The following GNG12 variants were observed in gnomAD, a reference collection of about 807,000 sequenced individuals.
The protein encoded by GNG12 is G protein subunit gamma 12, also known as guanine nucleotide-binding protein G(I)/G(S)/G(O) subunit gamma-12.
For missense variants in GNG12, 69 were observed against 83.8 expected (o/e 0.82, Z 0.69); for synonymous variants, 28 against 29.7 (o/e 0.94, Z 0.19).
intron 2 of GNG12, among the ~76,000 whole-genome samples, chr1:67,776,434 A>G (rs910589572): frequency 6.6e-6 from 1 of 152,162 alleles, no homozygotes; most frequent in African/African-American, 2.4e-5. Context: ...TCTTGAATCC[A>G]GGCTAACCAT....
At chr1:67,804,945 G>A (rs1287258506) in intron 1 of GNG12, among the ~76,000 whole-genome samples, 3 of 152,246 alleles carry the variant, frequency 2.0e-5, no homozygotes, top group East Asian at 1.9e-4. Flanking sequence ...GGTGAAAAAA[G>A]CATTCTGAAA....
intron 2 of GNG12, among the ~76,000 whole-genome samples, chr1:67,708,151 C>T (rs938683707): frequency 1.4e-4 from 21 of 152,174 alleles, no homozygotes; most frequent in Non-Finnish European, 2.1e-4. Context: ...TGGGCTCTTG[C>T]CCCCAACTAT....
chr1:67,724,271 CA>C (rs1646373327), intron 2 of GNG12, among the ~76,000 whole-genome samples: 1 of 152,060 alleles, frequency 6.6e-6, no homozygotes, highest in Non-Finnish European at 1.5e-5. Flanking sequence ...GCTGATAAAC[CA>C]GAACTGGAGG....
rs571208080 is a variant in GNG12, at chr1:67,705,370, T to G, written c.*81A>C. The G allele has an allele frequency of 6.5e-7, 1 of 1,548,202 alleles. No homozygotes were observed. Among genetic ancestry groups the G allele is most frequent in the East Asian group, 2.3e-5 (1 of 43,948 alleles). ...TTAGTTATTAGCAGTGGTTACCAAA[T>G]AAGCTGAAGGTAAATCTCTTCAAGG... is the stretch of plus-strand genomic sequence containing the variant. On this transcript the variant is annotated 3_prime_UTR_variant, in exon 4 of 4. Transcript: ENST00000370982.
chr1:67,709,951 TATATATATAGTTATATATATAGTTATATA>T (rs1646276352), intron 2 of GNG12, among the ~76,000 whole-genome samples: 6 of 25,974 alleles, frequency 2.3e-4, no homozygotes, highest in Non-Finnish European at 4.3e-4. Context: ...TATATATAGT[TATATATATAGTTATATATATAGTTATATA>T]TATATAGTTA....
chr1:67,732,707 T>A (rs1308972400), intron 2 of GNG12, among the ~76,000 whole-genome samples: 3 of 152,210 alleles, frequency 2.0e-5, no homozygotes, highest in African/African-American at 7.2e-5. Context: ...AAGAGGAAAC[T>A]GAGGCAAAAG....
Position 67,702,778 on chromosome 1 carries a change from GA to G in GNG12, c.*2672del, listed in dbSNP as rs1281446631. The G allele has an allele frequency of 6.6e-6, 1 of 151,996 alleles. No individual in the cohort carries two copies. Among genetic ancestry groups the G allele is most frequent in the East Asian group, 1.9e-4 (1 of 5,196 alleles). The allele number at this position is 151,996 out of a possible 1,614,324, so 9.4% of individuals were successfully genotyped here. On this transcript the variant is annotated 3_prime_UTR_variant, in exon 4 of 4. Coordinates refer to ENST00000370982, the MANE Select transcript of GNG12 (RefSeq NM_018841.6). Reference sequence around the variant, plus strand: ...GATGAACTAATGAAGATATAAGAATGAAAAAAAGAAAGAGATCACTGTTAAC... The same window carrying G: ...GATGAACTAATGAAGATATAAGAATGAAAAAAGAAAGAGATCACTGTTAAC...
chr1:67,816,827 T>A (rs929949368), intron 1 of GNG12, among the ~76,000 whole-genome samples: 4 of 152,034 alleles, frequency 2.6e-5, no homozygotes, highest in African/African-American at 9.7e-5. Flanking sequence ...GAACAAGAGG[T>A]GTGGGGCTCT....
chr1:67,756,032 C>T (rs115849524), intron 2 of GNG12, among the ~76,000 whole-genome samples: 1 of 152,140 alleles, frequency 6.6e-6, no homozygotes, highest in Admixed American at 6.5e-5. Context: ...GCCCATCTTA[C>T]TTGTGCCTGG....
intron 2 of GNG12, among the ~76,000 whole-genome samples, chr1:67,718,801 G>A (rs989717311): frequency 1.3e-5 from 2 of 152,054 alleles, no homozygotes; most frequent in Non-Finnish European, 2.9e-5. Flanking sequence ...GGAACCCCCA[G>A]GAAAAGTCCA....
Position 67,806,797 on chromosome 1 carries a change from G to C in GNG12, c.-77+26547C>G, listed in dbSNP as rs191825588. Among the ~76,000 whole-genome samples the C allele has an allele frequency of 5.7e-3, 865 of 152,096 alleles. 7 individuals carry two copies. Among genetic ancestry groups the C allele is most frequent in the African/African-American group, 0.02 (827 of 41,492 alleles). ...AAATAAGCTAGGTAAAAAACTAATA[G>C]AACTTAAAAGACAAATAGATCAATC... On this transcript the variant is annotated intron_variant, in intron 1 of 3. Coordinates refer to ENST00000370982, the MANE Select transcript of GNG12 (RefSeq NM_018841.6).
At chr1:67,809,232 C>A (rs1322637160) in intron 1 of GNG12, among the ~76,000 whole-genome samples, 1 of 151,960 alleles carries the variant, frequency 6.6e-6, no homozygotes, top group Non-Finnish European at 1.5e-5. Context: ...ATTCCCTGCC[C>A]CCACCAAAAA....
intron 1 of GNG12, among the ~76,000 whole-genome samples, chr1:67,785,157 A>G (rs1049064841): frequency 1.3e-4 from 20 of 152,172 alleles, no homozygotes; most frequent in African/African-American, 4.6e-4. Flanking sequence ...ATTGTTTCCT[A>G]TAAGAAAGCC....
At chr1:67,802,523 C>G (rs1009168872) in intron 1 of GNG12, among the ~76,000 whole-genome samples, 1 of 152,102 alleles carries the variant, frequency 6.6e-6, no homozygotes, top group African/African-American at 2.4e-5. Flanking sequence ...TTCCCAGAAG[C>G]AAAGTTTCTC....
At chr1:67,829,132 C>A (rs565503747) in intron 1 of GNG12, among the ~76,000 whole-genome samples, 39 of 152,060 alleles carry the variant, frequency 2.6e-4, no homozygotes, top group Non-Finnish European at 5.1e-4. Context: ...GGGAGAGCAC[C>A]ATAATCCCAT....
At chr1:67,803,696 T>C (rs1646879440) in intron 1 of GNG12, among the ~76,000 whole-genome samples, 1 of 152,132 alleles carries the variant, frequency 6.6e-6, no homozygotes, top group African/African-American at 2.4e-5. Flanking sequence ...GCTTAGAAAA[T>C]GTAGATAGCA....
intron 1 of GNG12, among the ~76,000 whole-genome samples, chr1:67,829,508 A>G (rs757358582): frequency 1.2e-4 from 19 of 152,236 alleles, no homozygotes; most frequent in Admixed American, 5.2e-4. Flanking sequence ...TTCCTGTTAC[A>G]AAAATAATGC....
intron 1 of GNG12, among the ~76,000 whole-genome samples, chr1:67,827,899 T>C (rs1009302697): frequency 2.0e-5 from 3 of 152,212 alleles, no homozygotes; most frequent in Admixed American, 2.0e-4. Flanking sequence ...AGATATGATT[T>C]TCAAGAGAGA....
intron 2 of GNG12, among the ~76,000 whole-genome samples, chr1:67,716,183 G>A (rs184932313): frequency 6.6e-6 from 1 of 152,264 alleles, no homozygotes; most frequent in African/African-American, 2.4e-5. Flanking sequence ...TTTACAAAGA[G>A]AAGTTTACAT....
Sources: allele counts gnomAD v4.1 joint callset (sites outside exome capture counted in the v4.1 genomes callset), GRCh38; gene constraint gnomAD v4.1.1; transcripts MANE v1.5; gene names NCBI Gene and HGNC (gene_info 2026-07-23, HGNC 2026-07-21).